Variants in WDFY4 observed in about 807,000 individuals in gnomAD.
The protein encoded by WDFY4 is WD repeat- and FYVE domain-containing protein 4.
A neutral mutation model predicts 351.9 loss-of-function variants in WDFY4; 169 were observed. The observed-to-expected ratio is 0.48, with a 90% CI of 0.42 to 0.55. The LOEUF (loss-of-function observed/expected upper bound fraction) is 0.55, where lower values mean the gene tolerates loss of function less well. Ranked by LOEUF, WDFY4 falls within the 20% of genes least tolerant of loss-of-function variation. WDFY4 has a pLI of 0.00. For synonymous variants in WDFY4, 1,622 were observed against 1,574.6 expected, an observed-to-expected ratio of 1.03 and a Z score of -0.71; for missense variants, 3,803 against 3,935.6, an observed-to-expected ratio of 0.97 and a Z score of 0.90.
intron 47 of WDFY4, 88 bp downstream of exon 47, chr10:48,901,951 T>G (rs1837376642): frequency 1.6e-6 from 2 of 1,223,382 alleles, no homozygotes; most frequent in African/African-American, 1.5e-5. Flanking sequence ...AAAGAAGTCT[T>G]GCAGAGAGCA....
In WDFY4 at chr10:48,946,027, A is replaced by C; in HGVS notation, c.7750-13A>C. 1 of 1,525,262 alleles carries C rather than the reference A, an allele frequency of 6.6e-7. No individual in the cohort carries two copies. The highest frequency in any genetic ancestry group is 8.8e-7 in the Non-Finnish European group (1 of 1,136,086). The allele number at this position is 1,525,262 out of a possible 1,614,324, so 94.5% of individuals were successfully genotyped here. A position where few individuals can be genotyped will look rare whatever the true frequency, so the allele number is the denominator to read the frequency against. On this transcript the variant is annotated splice_polypyrimidine_tract_variant and intron_variant, in intron 49 of 61. Transcript: ENST00000325239. ...TCTGGGGAGTTAACTCCAGCTGCAC[A>C]TCTGCCTTCTAGACATTGAACTTGG...
At position 48,763,461 on chromosome 10, in the gene WDFY4, T is replaced by C. The variant is rs531851370; in HGVS notation, c.2553+3021T>C. On this transcript the variant is annotated intron_variant, in intron 13 of 61. Coordinates refer to ENST00000325239, the MANE Select transcript of WDFY4 (RefSeq NM_001394531.1). ...TTCATACAACGCATTGTACTTGCAA[T>C]TGGAAAGACACAGCCAGTGGTCTGG... 2.6e-5 allele frequency among the ~76,000 whole-genome samples: 4 copies of C among 152,340 alleles called. No individual in the cohort carries two copies. The South Asian group carries it at 8.3e-4, about 32-fold the overall frequency.
chr10:48,692,660 G>A (rs1471026781), intron 1 of WDFY4, among the ~76,000 whole-genome samples: 1 of 152,200 alleles, frequency 6.6e-6, no homozygotes, highest in Non-Finnish European at 1.5e-5. Context: ...TAGGCAGTAG[G>A]CACTGAGGAA....
intron 21 of WDFY4, among the ~76,000 whole-genome samples, chr10:48,789,122 T>C (rs1444057435): frequency 1.3e-5 from 2 of 152,196 alleles, no homozygotes; most frequent in Non-Finnish European, 2.9e-5. Flanking sequence ...ATCCTCCTGC[T>C]TCAGCCTCCT....
intron 53 of WDFY4, among the ~76,000 whole-genome samples, chr10:48,961,660 T>C (rs1841865663): frequency 6.6e-6 from 1 of 151,980 alleles, no homozygotes; most frequent in Admixed American, 6.6e-5. Context: ...AGGCCAGAGA[T>C]CACAGTCACT....
rs57927796 is a variant in WDFY4 at position 48,946,991 on chromosome 10, T to TACACACACACACACACACAC, written c.7977+32_7977+51dup. 163 of 1,100,366 alleles carry TACACACACACACACACACAC rather than the reference T, an allele frequency of 1.5e-4. 1 individual carries two copies. In the African/African-American group the frequency reaches 1.9e-3, roughly 13 times the overall value. The allele number at this position is 1,100,366 out of a possible 1,614,324, so 68.2% of individuals were successfully genotyped here. ...GCAGGTGAGCTGCTGCCACTCTCTG[T>TACACACACACACACACACAC]ACACACACACACACACACACACACA... On this transcript the variant is annotated intron_variant, in intron 51 of 61. Coordinates refer to ENST00000325239, the MANE Select transcript of WDFY4 (RefSeq NM_001394531.1).
At chr10:48,774,346 G>C in intron 13 of WDFY4, 112 bp from the exon 14 acceptor site, 1 of 1,087,096 alleles carries the variant, frequency 9.2e-7, no homozygotes, top group Non-Finnish European at 1.4e-6. Flanking sequence ...GGGGTATGGT[G>C]GGCGCAGTCT....
intron 47 of WDFY4, among the ~76,000 whole-genome samples, chr10:48,939,713 T>C (rs1461853315): frequency 6.6e-6 from 1 of 152,242 alleles, no homozygotes; most frequent in Non-Finnish European, 1.5e-5. Context: ...TTAATATGAT[T>C]TTAAAACAAT....
intron 1 of WDFY4, among the ~76,000 whole-genome samples, chr10:48,707,104 G>A (rs1389653409): frequency 4.6e-5 from 7 of 152,142 alleles, no homozygotes; most frequent in Non-Finnish European, 1.0e-4. Flanking sequence ...GAAAAAATAA[G>A]CAAAGGTTAT....
rs2063678487 is a variant in WDFY4, at chr10:48,708,044, A to G, written c.-17-1672A>G. 1.3e-5 allele frequency among the ~76,000 whole-genome samples: 2 copies of G among 152,182 alleles called. 1 individual carries two copies. Among genetic ancestry groups the G allele is most frequent in the South Asian group, 4.1e-4 (2 of 4,826 alleles). ...AATATTATGATCGTGTTCTTACTAA[A>G]CTATATATTCATAGATAGAAGCTGG... On this transcript the variant is annotated intron_variant, in intron 1 of 61. Transcript: ENST00000325239.
intron 47 of WDFY4, among the ~76,000 whole-genome samples, chr10:48,920,771 T>C (rs567092793): frequency 1.4e-4 from 22 of 152,202 alleles, no homozygotes; most frequent in Non-Finnish European, 2.6e-4. Flanking sequence ...CACAGAATTT[T>C]AAAAAGATTC....
intron 47 of WDFY4, among the ~76,000 whole-genome samples, chr10:48,916,869 ATATG>A (rs1215729063): frequency 2.1e-4 from 22 of 103,050 alleles, no homozygotes; most frequent in South Asian, 3.7e-4. Context: ...TGCTTTAAAA[ATATG>A]TGTGTGTGTG....
intron 50 of WDFY4, among the ~76,000 whole-genome samples, chr10:48,946,506 G>A (rs1248000673): frequency 6.6e-6 from 1 of 152,248 alleles, no homozygotes; most frequent in Admixed American, 6.5e-5. Flanking sequence ...TCTGCCAGGG[G>A]CAGGCCAGCC....
chr10:48,835,768 CT>C (rs1431916525), intron 39 of WDFY4, among the ~76,000 whole-genome samples: 6 of 152,208 alleles, frequency 3.9e-5, no homozygotes, highest in African/African-American at 1.2e-4. Flanking sequence ...ACTGACCCCA[CT>C]TTCCCTTCAA....
At chr10:48,732,263 T>C (rs1321522599) in intron 9 of WDFY4, among the ~76,000 whole-genome samples, 2 of 152,130 alleles carry the variant, frequency 1.3e-5, no homozygotes, top group African/African-American at 2.4e-5. Context: ...TTAACTACCA[T>C]CTCCGTTGAC....
chr10:48,953,333 T>TCACACACA (rs1554820608), intron 51 of WDFY4, among the ~76,000 whole-genome samples: 16 of 128,222 alleles, frequency 1.2e-4, no homozygotes, highest in South Asian at 2.8e-4. Flanking sequence ...TCTCTCTCTC[T>TCACACACA]CACACACACA....
intron 2 of WDFY4, among the ~76,000 whole-genome samples, chr10:48,710,750 AG>A (rs2063748193): frequency 1.3e-5 from 2 of 152,350 alleles, no homozygotes; most frequent in East Asian, 3.9e-4. Flanking sequence ...ATCAGTGGAA[AG>A]CACCAGAGCT....
intron 12 of WDFY4, among the ~76,000 whole-genome samples, chr10:48,753,357 A>C (rs1410769681): frequency 6.6e-6 from 1 of 152,100 alleles, no homozygotes; most frequent in Non-Finnish European, 1.5e-5. Flanking sequence ...GATGCACAAA[A>C]ATTTTCAGTT....
chr10:48,793,323 C>T (rs1322358032), intron 23 of WDFY4, among the ~76,000 whole-genome samples: 1 of 152,108 alleles, frequency 6.6e-6, no homozygotes, highest in Non-Finnish European at 1.5e-5. Context: ...TGTACACTTA[C>T]ACATGAAGGC....
Sources: gnomAD v4.1 joint callset for allele counts (sites outside exome capture counted in the v4.1 genomes callset) on GRCh38, gnomAD v4.1.1 for gene constraint, MANE v1.5 for transcripts, NCBI Gene and HGNC (gene_info 2026-07-23, HGNC 2026-07-21) for gene names.